TENM1: variants seen among roughly 807,000 people sequenced by gnomAD.
TENM1 encodes teneurin transmembrane protein 1.
TENM1 carries 35 observed loss-of-function variants against 174.8 expected under a neutral mutation model. The ratio of observed to expected loss-of-function variants is 0.20; its 90% CI spans 0.15 to 0.27. TENM1 has a LOEUF of 0.27. Ranked by LOEUF, TENM1 falls within the 10% of genes least tolerant of loss-of-function variation. The pLI, the probability that TENM1 is intolerant of heterozygous loss-of-function variation, is 1.00. For missense variants in TENM1, 1,633 were observed against 2,130.1 expected, an observed-to-expected ratio of 0.77 and a Z score of 4.59; for synonymous variants, 781 against 798.7, an observed-to-expected ratio of 0.98 and a Z score of 0.37.
At chrX:124,662,342 T>C (rs1298039523) in intron 6 of TENM1, among the ~76,000 whole-genome samples, 1 of 107,698 alleles carries the variant, frequency 9.3e-6, no homozygotes, top group Non-Finnish European at 1.9e-5. Context: ...TAATCCCAGC[T>C]ACTCAGGTGG....
At chrX:125,049,454 T>A in the TENM1 span, among the ~76,000 whole-genome samples, 2 of 112,330 alleles carry the variant, frequency 1.8e-5, no homozygotes, top group Non-Finnish European at 3.8e-5. Flanking sequence ...ATAGATATTT[T>A]GTGGATTTCC....
chrX:124,951,170 C>A (rs766064304), intron 1 of TENM1, among the ~76,000 whole-genome samples: 223 of 111,673 alleles, frequency 2.0e-3, no homozygotes, highest in African/African-American at 7.0e-3. Context: ...ATAAAAAAAA[C>A]CACAGAATAA....
At chrX:124,612,551 A>G (rs2050301522) in intron 11 of TENM1, among the ~76,000 whole-genome samples, 1 of 111,650 alleles carries the variant, frequency 9.0e-6, no homozygotes, top group Admixed American at 9.5e-5. Context: ...CTATGTTGAT[A>G]ACAAGCAAGC....
chrX:125,023,045 A>G, the TENM1 span, among the ~76,000 whole-genome samples: 1 of 111,268 alleles, frequency 9.0e-6, no homozygotes, highest in Non-Finnish European at 1.9e-5. Context: ...CCATTTGGCT[A>G]AGTTTTCAGC....
intron 6 of TENM1, among the ~76,000 whole-genome samples, chrX:124,663,640 A>G (rs1353090402): frequency 8.9e-6 from 1 of 111,743 alleles, no homozygotes; most frequent in African/African-American, 3.3e-5. Context: ...GAGGATAAAC[A>G]TGGCATTCTA....
chrX:124,870,062 C>A (rs184616013), intron 3 of TENM1, among the ~76,000 whole-genome samples: 13 of 111,248 alleles, frequency 1.2e-4, no homozygotes, highest in Middle Eastern at 4.7e-3. Flanking sequence ...ACATTGCGTG[C>A]CTGTATCAAA....
intron 28 of TENM1, among the ~76,000 whole-genome samples, chrX:124,390,218 G>A (rs6649214): frequency 0.12 from 13,316 of 111,888 alleles, 646 homozygotes; most frequent in East Asian, 0.29. Flanking sequence ...CAGTGAATTC[G>A]GAAAAGAGAA....
intron 11 of TENM1, among the ~76,000 whole-genome samples, chrX:124,587,518 C>T (rs2049567189): frequency 9.0e-6 from 1 of 111,183 alleles, no homozygotes; most frequent in African/African-American, 3.3e-5. Context: ...CCCTTCCTTA[C>T]ACCTTATACA....
the TENM1 span, among the ~76,000 whole-genome samples, chrX:125,176,417 T>C: frequency 9.0e-6 from 1 of 111,476 alleles, no homozygotes; most frequent in African/African-American, 3.3e-5. Context: ...CCCAGGATAA[T>C]GATTAAGCGA....
chrX:125,167,099 G>C, the TENM1 span, among the ~76,000 whole-genome samples: 1 of 111,826 alleles, frequency 8.9e-6, no homozygotes, highest in East Asian at 2.8e-4. Flanking sequence ...GAACTAAAAA[G>C]TCCCAAAGTA....
chrX:124,464,375 C>T (rs748647150), intron 22 of TENM1, among the ~76,000 whole-genome samples: 4 of 111,993 alleles, frequency 3.6e-5, no homozygotes, highest in Non-Finnish European at 5.6e-5. Flanking sequence ...AGGAATTAAG[C>T]CAATAGTGCT....
the TENM1 span, among the ~76,000 whole-genome samples, chrX:125,106,002 G>A: frequency 9.0e-6 from 1 of 111,466 alleles, no homozygotes; most frequent in African/African-American, 3.3e-5. Flanking sequence ...CCATAGACCC[G>A]CCCACTCATT....
intron 6 of TENM1, among the ~76,000 whole-genome samples, chrX:124,666,323 T>G (rs1037948610): frequency 2.7e-5 from 3 of 111,515 alleles, no homozygotes; most frequent in African/African-American, 9.8e-5. Flanking sequence ...GAATTCAGTA[T>G]CCTCAACTAC....
chrX:124,681,427 T>C (rs1284087274), intron 5 of TENM1, among the ~76,000 whole-genome samples: 2 of 111,981 alleles, frequency 1.8e-5, no homozygotes, highest in Non-Finnish European at 3.8e-5. Flanking sequence ...GAGTCACTAA[T>C]GTATTATTCA....
intron 1 of TENM1, among the ~76,000 whole-genome samples, chrX:124,900,791 CTT>C (rs370775010): frequency 6.1e-5 from 6 of 98,203 alleles, no homozygotes; most frequent in African/African-American, 2.3e-4. Context: ...TCTTCTTCTT[CTT>C]TTTTTTTTTT....
At chrX:124,721,060 T>C (rs952101574) in intron 4 of TENM1, among the ~76,000 whole-genome samples, 1 of 111,990 alleles carries the variant, frequency 8.9e-6, no homozygotes, top group Non-Finnish European at 1.9e-5. Flanking sequence ...GGACCTCGAA[T>C]ATCGTTTAGC....
At chrX:124,389,847 A>G (rs958958165) in intron 28 of TENM1, among the ~76,000 whole-genome samples, 1 of 112,436 alleles carries the variant, frequency 8.9e-6, no homozygotes, top group African/African-American at 3.2e-5. Context: ...GAAAGTAAAG[A>G]ATCGTTCCAT....
At chrX:124,530,721 T>C (rs2048086219) in intron 15 of TENM1, among the ~76,000 whole-genome samples, 1 of 112,362 alleles carries the variant, frequency 8.9e-6, no homozygotes, top group African/African-American at 3.2e-5. Flanking sequence ...GACAATGGTA[T>C]ACTGCTTTTC....
intron 23 of TENM1, among the ~76,000 whole-genome samples, chrX:124,439,930 C>A (rs182331780): frequency 3.8e-4 from 42 of 111,690 alleles, no homozygotes; most frequent in African/African-American, 1.4e-3. Context: ...TTTACAGATA[C>A]AGAATTTTTT....
Sources: gnomAD v4.1 joint callset for allele counts (sites outside exome capture counted in the v4.1 genomes callset) on GRCh38, gnomAD v4.1.1 for gene constraint, MANE v1.5 for transcripts, NCBI Gene and HGNC (gene_info 2026-07-23, HGNC 2026-07-21) for gene names.